Variants in CDC123 observed in about 807,000 individuals in gnomAD.
CDC123 encodes cell division cycle 123.
CDC123 carries 37 observed loss-of-function variants against 54.4 expected under a neutral mutation model. The observed-to-expected ratio is 0.68, with a 90% CI of 0.52 to 0.89. The LOEUF (loss-of-function observed/expected upper bound fraction) is 0.89. Among genes scored for constraint, CDC123 ranks in the 40% least tolerant of loss-of-function variants. The pLI is 0.00. For synonymous variants in CDC123, 144 were observed against 136.8 expected (o/e 1.05, Z -0.37); for missense variants, 361 against 412.1 (o/e 0.88, Z 1.07).
rs199948914 is a variant in CDC123 at position 12,237,207 on chromosome 10, G to T, written c.629G>T (p.Arg210Leu). Residue 210 changes from arginine to leucine, a missense_variant, in exon 9 of 13, where the codon CGC becomes CTC. Coordinates refer to ENST00000281141, the MANE Select transcript of CDC123 (RefSeq NM_006023.3). ...DHISKQKEEI[R>L]RCIQDFFKKH... The stretch of plus-strand genomic sequence containing the variant: ...ATTTCTAAACAAAAGGAAGAAATTC[G>T]CAGATGCATACAAGACTTTTTCAAG... The T allele has an allele frequency of 9.4e-6, 15 of 1,589,842 alleles. No individual in the cohort carries two copies. In the African/African-American group the frequency reaches 1.6e-4, roughly 17 times the overall value.
intron 3 of CDC123, 63 bp downstream of exon 3, chr10:12,210,087 G>T: frequency 6.5e-7 from 1 of 1,548,834 alleles, no homozygotes; most frequent in South Asian, 1.1e-5. Context: ...CTCTGAGATG[G>T]TTCTGACTTG....
rs60406595 is a variant in CDC123 at position 12,217,855 on chromosome 10, A to G, written c.440+388A>G. ...GGATTCCCAGCACTTTGGGAGGCCA[A>G]GACAGGTGGATCACCTGAGGTCAGG... On this transcript the variant is annotated intron_variant, in intron 6 of 12. Coordinates refer to ENST00000281141, the MANE Select transcript of CDC123 (RefSeq NM_006023.3). Among the ~76,000 whole-genome samples the G allele has an allele frequency of 2.0e-5, 3 of 152,268 alleles. No individual in the cohort carries two copies. The East Asian group carries it at 5.8e-4, about 29-fold the overall frequency.
intron 1 of CDC123, 66 bp downstream of exon 1, chr10:12,196,385 ACTGCTATCC>A: frequency 6.2e-7 from 1 of 1,606,644 alleles, no homozygotes; most frequent in Non-Finnish European, 8.5e-7. Flanking sequence ...AGCGAATCTT[ACTGCTATCC>A]AAAAAAATGC....
intron 6 of CDC123, among the ~76,000 whole-genome samples, chr10:12,221,156 A>G (rs1049139287): frequency 1.3e-5 from 2 of 152,016 alleles, no homozygotes; most frequent in Admixed American, 1.3e-4. Flanking sequence ...AAAATGTTAC[A>G]GTCAGAATTG....
intron 4 of CDC123, among the ~76,000 whole-genome samples, chr10:12,212,790 G>GGT (rs1428585729): frequency 6.6e-6 from 1 of 152,182 alleles, no homozygotes; most frequent in Non-Finnish European, 1.5e-5. Context: ...GTGTGCATAA[G>GGT]GTGTATATGA....
intron 8 of CDC123, among the ~76,000 whole-genome samples, chr10:12,235,459 A>G (rs1835966856): frequency 6.6e-6 from 1 of 152,336 alleles, no homozygotes; most frequent in Non-Finnish European, 1.5e-5. Flanking sequence ...TAGTCTGCTT[A>G]TTTCAAGCGT....
intron 10 of CDC123, among the ~76,000 whole-genome samples, chr10:12,241,011 G>A (rs1283809340): frequency 6.6e-6 from 1 of 152,128 alleles, no homozygotes; most frequent in East Asian, 1.9e-4. Context: ...CTCGGTAGAG[G>A]TTACACCTGA....
At chr10:12,216,862 T>C (rs550522466) in intron 5 of CDC123, among the ~76,000 whole-genome samples, 2 of 152,332 alleles carry the variant, frequency 1.3e-5, no homozygotes, top group East Asian at 3.9e-4. Context: ...TTTAAAGTTG[T>C]AGTGGTTCAG....
intron 4 of CDC123, among the ~76,000 whole-genome samples, chr10:12,215,126 C>T (rs1835647302): frequency 6.6e-6 from 1 of 152,156 alleles, no homozygotes; most frequent in Admixed American, 6.6e-5. Context: ...TGGTCACTAG[C>T]TTATATAAAA....
chr10:12,238,332 G>A (rs924999070), intron 9 of CDC123, 125 bp from the exon 10 acceptor site: 49 of 1,034,220 alleles, frequency 4.7e-5, no homozygotes, highest in Non-Finnish European at 6.4e-5. Flanking sequence ...AGGTTTAGAA[G>A]CATGAAGTCC....
Position 12,213,750 on chromosome 10 carries a change from A to G in CDC123, c.238-1990A>G, listed in dbSNP as rs560042951. Among the ~76,000 whole-genome samples the G allele has an allele frequency of 4.6e-5, 7 of 152,316 alleles. No individual in the cohort carries two copies. In the East Asian group the frequency reaches 1.3e-3, roughly 29 times the overall value. ...TTTAACTCATGAGGGAACCAGACAG[A>G]TTGTTAGAACTGGTTCAAAAGAGAA... is the stretch of plus-strand genomic sequence containing the variant. On this transcript the variant is annotated intron_variant, in intron 4 of 12. Coordinates refer to ENST00000281141, the MANE Select transcript of CDC123 (RefSeq NM_006023.3).
chr10:12,250,530 A>G lies in CDC123; in HGVS notation c.*193A>G. ...GCTACTTGTAAAAATAACATAATAAATAGATCTTAAACATAGGAAAACCAT... is the reference window on the plus strand; with the variant it reads ...GCTACTTGTAAAAATAACATAATAAGTAGATCTTAAACATAGGAAAACCAT... On this transcript the variant is annotated 3_prime_UTR_variant, in exon 13 of 13. Coordinates refer to ENST00000281141, the MANE Select transcript of CDC123 (RefSeq NM_006023.3). The G allele has an allele frequency of 1.5e-6, 1 of 659,014 alleles. No homozygotes were observed. The highest frequency in any genetic ancestry group is 2.8e-6 in the Non-Finnish European group (1 of 355,828). 40.8% of individuals were successfully genotyped at this position (659,014 alleles called of 1,614,324 possible). A position where few individuals can be genotyped will look rare whatever the true frequency, so the allele number is the denominator to read the frequency against.
At chr10:12,247,487 CT>C (rs1836167869) in intron 11 of CDC123, 1 of 39,976 alleles carries the variant, frequency 2.5e-5, no homozygotes, top group Non-Finnish European at 6.8e-5. Flanking sequence ...TCACCTCCCC[CT>C]CAGGACACTG....
In CDC123 at chr10:12,243,923, G is replaced by A. The variant is rs561208735; in HGVS notation, c.718-2226G>A. On this transcript the variant is annotated intron_variant, in intron 10 of 12. Transcript: ENST00000281141. ...CATCATTACCAAGAAGTTGTTTGAC[G>A]GCTGATACTGTTTCACATAGTTCCA... 2.0e-4 allele frequency among the ~76,000 whole-genome samples: 31 copies of A among 152,258 alleles called. 1 individual carries two copies. The South Asian group carries it at 6.4e-3, about 32-fold the overall frequency.
chr10:12,216,401 A>C (rs1835665195), intron 5 of CDC123, among the ~76,000 whole-genome samples: 1 of 152,226 alleles, frequency 6.6e-6, no homozygotes, highest in African/African-American at 2.4e-5. Context: ...AAGTTATCTC[A>C]TGCCTTTTTT....
intron 2 of CDC123, among the ~76,000 whole-genome samples, chr10:12,208,880 C>T (rs951835287): frequency 2.0e-5 from 3 of 152,006 alleles, no homozygotes; most frequent in Non-Finnish European, 4.4e-5. Context: ...TTATTTTCCC[C>T]TCTCTCTCTC....
chr10:12,210,455 G>A, intron 4 of CDC123, 133 bp downstream of exon 4: 1 of 1,111,248 alleles, frequency 9.0e-7, no homozygotes, highest in African/African-American at 1.6e-5. Flanking sequence ...CCTGTGGGCT[G>A]TCGTTTTTAT....
intron 6 of CDC123, among the ~76,000 whole-genome samples, chr10:12,228,440 C>T (rs1205379551): frequency 3.3e-5 from 5 of 150,034 alleles, no homozygotes; most frequent in Admixed American, 6.7e-5. Flanking sequence ...GTGTCTTACT[C>T]GGTCACCCAG....
chr10:12,200,159 C>T (rs1022142694), intron 2 of CDC123, among the ~76,000 whole-genome samples: 17 of 82,726 alleles, frequency 2.1e-4, no homozygotes, highest in African/African-American at 8.0e-4. Context: ...TGGAGTCTTG[C>T]TCTGTCAGCC....
Sources: allele counts gnomAD v4.1 joint callset (sites outside exome capture counted in the v4.1 genomes callset), GRCh38; gene constraint gnomAD v4.1.1; transcripts MANE v1.5; gene names NCBI Gene and HGNC (gene_info 2026-07-23, HGNC 2026-07-21).